Variants in FRMD3 observed in about 807,000 individuals in gnomAD.
The protein encoded by FRMD3 is FERM domain-containing protein 3.
In FRMD3, 33 loss-of-function variants were observed where a neutral mutation model predicts 70.2. That is an observed-to-expected ratio of 0.47 (90% CI 0.36 to 0.63). The LOEUF is 0.63. FRMD3 is among the 20% of genes least tolerant of loss of function. The probability of loss-of-function intolerance (pLI) is 0.00; values close to 1 mark genes in which losing one functional copy is unlikely to be tolerated. For synonymous variants in FRMD3, 279 were observed against 255.9 expected (o/e 1.09, Z -0.86); for missense variants, 632 against 711.4 (o/e 0.89, Z 1.27).
the FRMD3 span, among the ~76,000 whole-genome samples, chr9:83,581,238 G>T: frequency 6.6e-6 from 1 of 152,082 alleles, no homozygotes; most frequent in East Asian, 1.9e-4. Flanking sequence ...TAAGGAAATT[G>T]TATACCAAGT....
intron 9 of FRMD3, 29 bp downstream of exon 9, chr9:83,310,456 C>T: frequency 6.4e-7 from 1 of 1,564,706 alleles, no homozygotes; most frequent in Non-Finnish European, 8.7e-7. Flanking sequence ...CACACAATAA[C>T]AGGCAGTTAA....
rs553878409 is a variant in FRMD3 at position 83,429,710 on chromosome 9, G to A, written c.148-40002C>T. ...CCAGGTGCTGAGTGGGAGATTATTA[G>A]TCTTCTCCTTCTTAACAATTTTTCT... On this transcript the variant is annotated intron_variant, in intron 1 of 13. Transcript: ENST00000304195. Among the ~76,000 whole-genome samples the A allele has an allele frequency of 1.2e-4, 18 of 152,264 alleles. No homozygotes were observed. In the South Asian group the frequency reaches 3.5e-3, roughly 30 times the overall value.
intron 1 of FRMD3, among the ~76,000 whole-genome samples, chr9:83,436,797 AAAAAC>A (rs1827149328): frequency 1.4e-5 from 2 of 143,558 alleles, no homozygotes; most frequent in African/African-American, 2.6e-5. Context: ...AAAAAAAAAA[AAAAAC>A]AAGACAGCTA....
At chr9:83,476,216 C>T (rs10118508) in intron 1 of FRMD3, among the ~76,000 whole-genome samples, 151,520 of 152,158 alleles carry the variant, frequency 1, 75,444 homozygotes, top group East Asian at 1. Flanking sequence ...AAACCCCGTC[C>T]CTACTAAAAA....
chr9:83,424,722 G>A (rs1316376209), intron 1 of FRMD3, among the ~76,000 whole-genome samples: 1 of 152,158 alleles, frequency 6.6e-6, no homozygotes, highest in African/African-American at 2.4e-5. Context: ...AACTCACACG[G>A]TTTCATCTTT....
At chr9:83,398,884 T>C (rs968646741) in intron 1 of FRMD3, among the ~76,000 whole-genome samples, 1 of 152,054 alleles carries the variant, frequency 6.6e-6, no homozygotes, top group African/African-American at 2.4e-5. Context: ...CAGCTACCCA[T>C]GAGGGAAACA....
At chr9:83,274,035 G>T (rs957724824) in intron 13 of FRMD3, among the ~76,000 whole-genome samples, 9 of 152,076 alleles carry the variant, frequency 5.9e-5, no homozygotes, top group African/African-American at 2.2e-4. Flanking sequence ...TTCTCAGGCT[G>T]GTCTTGAACT....
intron 1 of FRMD3, among the ~76,000 whole-genome samples, chr9:83,489,447 G>A (rs1828765171): frequency 6.6e-6 from 1 of 151,930 alleles, no homozygotes; most frequent in South Asian, 2.1e-4. Context: ...ATGAATGAAG[G>A]ACATGAACTG....
chr9:83,285,238 C>T (rs1326783272), intron 13 of FRMD3, among the ~76,000 whole-genome samples: 3 of 152,050 alleles, frequency 2.0e-5, no homozygotes, highest in Non-Finnish European at 4.4e-5. Context: ...CATATACACT[C>T]GGCACAAACA....
At chr9:83,269,144 C>T (rs1054482223) in intron 13 of FRMD3, among the ~76,000 whole-genome samples, 3 of 152,134 alleles carry the variant, frequency 2.0e-5, no homozygotes, top group East Asian at 1.9e-4. Flanking sequence ...ATAGATTAAC[C>T]GGGGCTCATT....
intron 13 of FRMD3, among the ~76,000 whole-genome samples, chr9:83,280,363 AG>A: frequency 6.6e-6 from 1 of 152,330 alleles, no homozygotes; most frequent in South Asian, 2.1e-4. Context: ...TTGGAGACTT[AG>A]GGGTCACCAT....
chr9:83,460,321 G>T (rs1827933995), intron 1 of FRMD3, among the ~76,000 whole-genome samples: 1 of 152,184 alleles, frequency 6.6e-6, no homozygotes, highest in Non-Finnish European at 1.5e-5. Context: ...CTGGCCAGAT[G>T]TTCTCTGCCA....
chr9:83,282,360 C>T (rs116920520), intron 13 of FRMD3, among the ~76,000 whole-genome samples: 1,759 of 152,270 alleles, frequency 0.012, 11 homozygotes, highest in Non-Finnish European at 0.015. Context: ...TCGTCTAAAA[C>T]GTAACTGTTC....
chr9:83,580,716 A>G, the FRMD3 span, among the ~76,000 whole-genome samples: 2 of 152,254 alleles, frequency 1.3e-5, no homozygotes, highest in African/African-American at 4.8e-5. Flanking sequence ...AAGAGTGACT[A>G]CAGTCAATAA....
Position 83,411,884 on chromosome 9 carries a change from C to T in FRMD3, c.148-22176G>A, listed in dbSNP as rs1019081149. Among the ~76,000 whole-genome samples, 15 of 152,262 alleles carry T rather than the reference C, an allele frequency of 9.9e-5. 1 individual carries two copies. In the South Asian group the frequency reaches 1.0e-3, roughly 11 times the overall value. The stretch of plus-strand genomic sequence containing the variant: ...TTATTTCTGGTTATTCATGATTCTT[C>T]GAAATTTGCACCATTTCTGGGATCA... On this transcript the variant is annotated intron_variant, in intron 1 of 13. Coordinates refer to ENST00000304195, the MANE Select transcript of FRMD3 (RefSeq NM_174938.6).
chr9:83,249,495 C>T (rs992205172), intron 13 of FRMD3, among the ~76,000 whole-genome samples: 10 of 152,130 alleles, frequency 6.6e-5, no homozygotes, highest in East Asian at 1.9e-4. Flanking sequence ...AGGTGCATTT[C>T]GGGAACCATA....
chr9:83,254,313 A>G (rs1364318825), intron 13 of FRMD3, among the ~76,000 whole-genome samples: 1 of 148,632 alleles, frequency 6.7e-6, no homozygotes, highest in Non-Finnish European at 1.5e-5. Flanking sequence ...GAGAGGAATC[A>G]CTGGTTTTTA....
At chr9:83,348,035 C>T (rs1824018733) in intron 4 of FRMD3, among the ~76,000 whole-genome samples, 1 of 152,150 alleles carries the variant, frequency 6.6e-6, no homozygotes, top group Admixed American at 6.5e-5. Flanking sequence ...ATGCTGTACT[C>T]TTTTACTTTC....
intron 6 of FRMD3, among the ~76,000 whole-genome samples, chr9:83,324,857 G>T (rs1447965752): frequency 6.6e-6 from 1 of 152,196 alleles, no homozygotes; most frequent in African/African-American, 2.4e-5. Flanking sequence ...ATGGGCAAAC[G>T]CAGGATGCAA....
Sources: allele counts gnomAD v4.1 joint callset (sites outside exome capture counted in the v4.1 genomes callset), GRCh38; gene constraint gnomAD v4.1.1; transcripts MANE v1.5; gene names NCBI Gene and HGNC (gene_info 2026-07-23, HGNC 2026-07-21).